Variants in CEP350 observed in about 807,000 individuals in gnomAD.
CEP350 encodes the protein centrosomal protein 350.
Under a neutral mutation model 331.8 loss-of-function variants are expected in CEP350, and 126 were observed. The observed-to-expected ratio is 0.38, with a 90% confidence interval of 0.33 to 0.44. The LOEUF is 0.44. Ranked by LOEUF, CEP350 falls within the 20% of genes least tolerant of loss-of-function variation. The pLI, the probability that CEP350 is intolerant of heterozygous loss-of-function variation, is 1.00. For synonymous variants in CEP350, 1,200 were observed against 1,259.5 expected (o/e 0.95, Z 1.00); for missense variants, 3,406 against 3,634.6 (o/e 0.94, Z 1.62).
chr1:180,062,188 C>T (rs1344962885), intron 25 of CEP350, 32 bp from the exon 26 acceptor site: 1 of 1,528,720 alleles, frequency 6.5e-7, no homozygotes, highest in Non-Finnish European at 8.8e-7. Flanking sequence ...TTCTCCCAAT[C>T]TTAATCCCTC....
Position 179,986,255 on chromosome 1 carries a change from G to C in CEP350, c.73+1G>C. ...TCTCAAAGCAAGGATACTGTTCAAG[G>C]TATGATTTTGTTTTTTTAAACAGAA... On this transcript the variant is annotated splice_donor_variant, in intron 2 of 37. Coordinates refer to ENST00000367607, the MANE Select transcript of CEP350 (RefSeq NM_014810.5). LOFTEE classifies it high-confidence loss of function. 6.5e-7 allele frequency: 1 copy of C among 1,548,620 alleles called. No individual in the cohort carries two copies. Among genetic ancestry groups the C allele is most frequent in the Non-Finnish European group, 8.7e-7 (1 of 1,145,506 alleles).
At chr1:180,043,271 TTTG>T (rs1656889340) in intron 20 of CEP350, 79 bp downstream of exon 20, 1 of 1,459,692 alleles carries the variant, frequency 6.9e-7, no homozygotes, top group Non-Finnish European at 9.1e-7. Context: ...GTAATGAGTA[TTTG>T]TTGTTATAGG....
intron 4 of CEP350, among the ~76,000 whole-genome samples, chr1:179,991,667 A>ATGTGTGTG (rs751570955): frequency 0.052 from 4,714 of 89,926 alleles, 239 homozygotes; most frequent in Non-Finnish European, 0.059. Flanking sequence ...ATATATATAT[A>ATGTGTGTG]TGTGTGTGTG....
At chr1:180,028,258 TTTTC>T (rs1655802142) in intron 14 of CEP350, among the ~76,000 whole-genome samples, 2 of 152,234 alleles carry the variant, frequency 1.3e-5, no homozygotes, top group African/African-American at 4.8e-5. Flanking sequence ...GTATGAAGCA[TTTTC>T]CAAGTGTATT....
rs1317014322 is a variant in CEP350 at position 180,020,117 on chromosome 1, C to A, written c.2343C>A (p.Thr781=). The change falls in exon 12 of 38, where the codon ACC becomes ACA. Residue 781 remains threonine, a synonymous_variant. Transcript: ENST00000367607. ...LHKDFESILP[T]RKNHNMASRP... ...AGGATTTTGAATCTATTTTACCAAC[C>A]AGGAAGAATCATAATATGGCTTCAA... 6.2e-7 allele frequency: 1 copy of A among 1,613,978 alleles called. No individual in the cohort carries two copies. The highest frequency in any genetic ancestry group is 1.7e-5 in the Admixed American group (1 of 60,024).
intron 21 of CEP350, among the ~76,000 whole-genome samples, chr1:180,045,768 C>A (rs983218755): frequency 6.6e-6 from 1 of 152,164 alleles, no homozygotes; most frequent in Non-Finnish European, 1.5e-5. Flanking sequence ...TTTGGTTATT[C>A]ACCTATTTGA....
intron 1 of CEP350, among the ~76,000 whole-genome samples, chr1:179,966,805 G>A (rs758685239): frequency 2.6e-5 from 4 of 152,112 alleles, no homozygotes; most frequent in Non-Finnish European, 5.9e-5. Flanking sequence ...AACTCTGATA[G>A]CTCAAATGCA....
At chr1:180,086,587 T>G (rs1404374027) in intron 31 of CEP350, among the ~76,000 whole-genome samples, 1 of 151,954 alleles carries the variant, frequency 6.6e-6, no homozygotes, top group Admixed American at 6.6e-5. Flanking sequence ...CATATAAAAA[T>G]CTATTGGATT....
At chr1:180,110,924 C>A in intron 37 of CEP350, 73 bp from the exon 38 acceptor site, 1 of 1,345,824 alleles carries the variant, frequency 7.4e-7, no homozygotes, top group Non-Finnish European at 1.1e-6. Flanking sequence ...GATAGGACTA[C>A]AAAGTCAGCA....
intron 37 of CEP350, among the ~76,000 whole-genome samples, chr1:180,108,744 A>G (rs926368838): frequency 6.6e-6 from 1 of 152,222 alleles, no homozygotes; most frequent in Non-Finnish European, 1.5e-5. Flanking sequence ...CTGTGGTCAA[A>G]TAAATATAGG....
At chr1:180,009,433 T>G (rs1047157030) in intron 8 of CEP350, among the ~76,000 whole-genome samples, 2 of 152,228 alleles carry the variant, frequency 1.3e-5, no homozygotes, top group African/African-American at 4.8e-5. Flanking sequence ...TGGATTGTAT[T>G]TATCCAGTTT....
intron 5 of CEP350, among the ~76,000 whole-genome samples, chr1:179,995,311 T>C (rs1653385615): frequency 6.6e-6 from 1 of 152,102 alleles, no homozygotes; most frequent in Admixed American, 6.5e-5. Flanking sequence ...TTTCCTAAAA[T>C]AAGGCTCAGC....
At chr1:179,990,287 A>G (rs955970665) in intron 3 of CEP350, among the ~76,000 whole-genome samples, 2 of 152,212 alleles carry the variant, frequency 1.3e-5, no homozygotes, top group East Asian at 1.9e-4. Flanking sequence ...TCAGAATCTT[A>G]CTGATTTTCT....
intron 1 of CEP350, among the ~76,000 whole-genome samples, chr1:179,975,578 A>T (rs1276289339): frequency 6.6e-6 from 1 of 152,094 alleles, no homozygotes; most frequent in Non-Finnish European, 1.5e-5. Context: ...TATTTTACAT[A>T]TAATAAAGAA....
chr1:180,092,934 A>G lies in CEP350; in HGVS notation c.6829A>G (p.Lys2277Glu). Reference protein sequence around the residue: ...KKSKIEDAFSKEGKSDVLLKL... With the variant: ...KKSKIEDAFSEEGKSDVLLKL... ...GAGTAAGATTGAAGATGCCTTTTCT[A>G]AAGAAGGTAAATCTGATGTCTTACT... The change falls in exon 34 of 38, where the codon AAA becomes GAA. Residue 2277 changes from lysine (K) to glutamate (E), a missense_variant. By Grantham distance (56) the Lys-to-Glu change is moderately conservative. This residue lies in a region of CEP350 where 1,415 missense variants were observed against 1,512.3 expected (regional missense o/e 0.94). Transcript: ENST00000367607. 6.3e-7 allele frequency: 1 copy of G among 1,587,268 alleles called. No homozygotes were observed. Among genetic ancestry groups the G allele is most frequent in the Non-Finnish European group, 8.6e-7 (1 of 1,164,850 alleles).
At chr1:179,982,638 A>G (rs1443538124) in intron 1 of CEP350, among the ~76,000 whole-genome samples, 1 of 152,182 alleles carries the variant, frequency 6.6e-6, no homozygotes, top group East Asian at 1.9e-4. Flanking sequence ...GATAATCACT[A>G]TATATTTCAG....
rs148294536 is a variant in CEP350, at chr1:180,094,391, T to C, written c.8286T>C (p.Phe2762=). 1.6e-3 allele frequency: 2,612 copies of C among 1,613,730 alleles called. 18 individuals are homozygous for C. The East Asian group carries it at 0.023, about 14-fold the overall frequency. The part of the protein sequence containing the change: ...SLLTDSLLKV[F]VKDTVNQLQQ... Reference sequence around the variant, plus strand: ...TGACAGACAGTTTACTAAAAGTCTTTGTAAAGGACACAGTCAATCAACTAC... The same window carrying C: ...TGACAGACAGTTTACTAAAAGTCTTCGTAAAGGACACAGTCAATCAACTAC... Residue 2762 remains phenylalanine (F), a synonymous_variant, in exon 34 of 38, where the codon TTT becomes TTC. Coordinates refer to ENST00000367607, the MANE Select transcript of CEP350 (RefSeq NM_014810.5).
chr1:179,984,418 C>T lies in CEP350; in HGVS notation c.-13-1751C>T, dbSNP rs77155283. Among the ~76,000 whole-genome samples the T allele has an allele frequency of 6.4e-3, 977 of 152,294 alleles. 4 individuals are homozygous for T. Among genetic ancestry groups the T allele is most frequent in the South Asian group, 8.1e-3 (39 of 4,822 alleles). ...GATTTGACTTGGTCTGGAGGATCTA[C>T]TTGCAAGGGGATAGCTCACCCACAT... On this transcript the variant is annotated intron_variant, in intron 1 of 37. Transcript: ENST00000367607.
At chr1:180,100,246 A>G (rs1660723682) in intron 37 of CEP350, among the ~76,000 whole-genome samples, 1 of 152,226 alleles carries the variant, frequency 6.6e-6, no homozygotes, top group African/African-American at 2.4e-5. Flanking sequence ...AAATGAGGAA[A>G]TTTAGATTCA....
Sources: gnomAD v4.1 joint callset for allele counts (sites outside exome capture counted in the v4.1 genomes callset) on GRCh38, gnomAD v4.1.1 for gene constraint, gnomAD v4.1.1 regional missense constraint, MANE v1.5 for transcripts, NCBI Gene and HGNC (gene_info 2026-07-23, HGNC 2026-07-21) for gene names.